TSHZ1: variants seen among roughly 807,000 people sequenced by gnomAD.
The protein encoded by TSHZ1 is teashirt zinc finger homeobox 1, also known as teashirt homolog 1.
Under a neutral mutation model 67.1 loss-of-function variants are expected in TSHZ1, and 12 were observed. The observed-to-expected ratio is 0.18, with a 90% CI of 0.11 to 0.29. The LOEUF (loss-of-function observed/expected upper bound fraction) is 0.29, where lower values mean the gene tolerates loss of function less well. TSHZ1 is among the 10% of genes least tolerant of loss of function. The pLI, the probability that TSHZ1 is intolerant of heterozygous loss-of-function variation, is 1.00. For missense variants in TSHZ1, 1,305 were observed against 1,413.9 expected, an observed-to-expected ratio of 0.92 and a Z score of 1.23; for synonymous variants, 632 against 622.4, an observed-to-expected ratio of 1.02 and a Z score of -0.23.
At chr18:75,259,982 C>T (rs547591697) in intron 1 of TSHZ1, among the ~76,000 whole-genome samples, 6 of 152,358 alleles carry the variant, frequency 3.9e-5, no homozygotes, top group Admixed American at 2.6e-4. Context: ...TGTGTGATGT[C>T]CCAGCTCCAT....
chr18:75,285,220 G>A (rs2023735754), intron 1 of TSHZ1: 1 of 397,526 alleles, frequency 2.5e-6, no homozygotes, highest in African/African-American at 2.0e-5. Flanking sequence ...GACGAGCACA[G>A]GACATCATCC....
At position 75,282,311 on chromosome 18, in the gene TSHZ1, A is replaced by G. The variant is rs577096438; in HGVS notation, c.41-3137A>G. ...GATGCCGGGCCAGGCCCTGAGACGC[A>G]GCCCTGACTCCGGACCCTCATCCTT... is the stretch of plus-strand genomic sequence containing the variant. On this transcript the variant is annotated intron_variant, in intron 1 of 1. Transcript: ENST00000580243. Among the ~76,000 whole-genome samples the G allele has an allele frequency of 2.6e-5, 4 of 152,274 alleles. No homozygotes were observed. In the East Asian group the frequency reaches 7.7e-4, roughly 29 times the overall value.
Position 75,211,923 on chromosome 18 carries a change from G to A in TSHZ1, c.40+7G>A, listed in dbSNP as rs1308731458. On this transcript the variant is annotated splice_region_variant and intron_variant, in intron 1 of 1. Transcript: ENST00000580243. Reference sequence around the variant, plus strand: ...GCCCCCCGGCGCTCGGCAGGTAACGGGCGCGCGGCCCGCGCCGCGGGGAGT... The same window carrying A: ...GCCCCCCGGCGCTCGGCAGGTAACGAGCGCGCGGCCCGCGCCGCGGGGAGT... The A allele has an allele frequency of 1.2e-5, 14 of 1,201,440 alleles. No homozygotes were observed. Among genetic ancestry groups the A allele is most frequent in the Non-Finnish European group, 1.3e-5 (13 of 968,782 alleles). The allele number at this position is 1,201,440 out of a possible 1,614,324, so 74.4% of individuals were successfully genotyped here.
intron 1 of TSHZ1, among the ~76,000 whole-genome samples, chr18:75,239,994 C>T (rs2023133167): frequency 6.6e-6 from 1 of 152,122 alleles, no homozygotes; most frequent in Non-Finnish European, 1.5e-5. Flanking sequence ...TGTTTCCCTG[C>T]TTTTCTTTGT....
chr18:75,232,742 A>G (rs2023016397), intron 1 of TSHZ1, among the ~76,000 whole-genome samples: 1 of 152,210 alleles, frequency 6.6e-6, no homozygotes. Context: ...GGGGCCAGAT[A>G]TGTTTTGGAA....
chr18:75,264,972 G>C (rs913799528), intron 1 of TSHZ1, among the ~76,000 whole-genome samples: 3 of 152,164 alleles, frequency 2.0e-5, no homozygotes, highest in Non-Finnish European at 4.4e-5. Context: ...CACAAAACAA[G>C]TGTTATTAAG....
chr18:75,215,023 A>C (rs1278312394), intron 1 of TSHZ1, among the ~76,000 whole-genome samples: 1 of 152,172 alleles, frequency 6.6e-6, no homozygotes, highest in African/African-American at 2.4e-5. Flanking sequence ...CATGTCACCG[A>C]GACAATGCTG....
intron 1 of TSHZ1, among the ~76,000 whole-genome samples, chr18:75,226,136 T>C (rs758230990): frequency 2.0e-5 from 3 of 152,202 alleles, no homozygotes; most frequent in Non-Finnish European, 4.4e-5. Context: ...TATAAACATA[T>C]GTTTGCAGTG....
chr18:75,222,219 G>A (rs1599025404), intron 1 of TSHZ1, among the ~76,000 whole-genome samples: 3 of 147,526 alleles, frequency 2.0e-5, no homozygotes, highest in South Asian at 4.2e-4. Context: ...TGGAAAAGTT[G>A]CCTGACTTTT....
chr18:75,237,360 A>G (rs1045535285), intron 1 of TSHZ1, among the ~76,000 whole-genome samples: 1 of 152,112 alleles, frequency 6.6e-6, no homozygotes, highest in Non-Finnish European at 1.5e-5. Context: ...CATATCTACA[A>G]AAAATGCAAA....
chr18:75,288,680 ACGT>A lies in TSHZ1; in HGVS notation c.*45_*47del, dbSNP rs755642292. 13 of 1,533,152 alleles carry A rather than the reference ACGT, an allele frequency of 8.5e-6. No individual in the cohort carries two copies. The highest frequency in any genetic ancestry group is 2.1e-5 in the Admixed American group (1 of 47,888). The allele number at this position is 1,533,152 out of a possible 1,614,324, so 95.0% of individuals were successfully genotyped here. A position where few individuals can be genotyped will look rare whatever the true frequency, so the allele number is the denominator to read the frequency against. On this transcript the variant is annotated 3_prime_UTR_variant, in exon 2 of 2. Coordinates refer to ENST00000580243, the MANE Select transcript of TSHZ1 (RefSeq NM_001308210.2). The surrounding 1 kb of genome is among the most constrained non-coding windows in gnomAD (Gnocchi z 4.9). ...AAGAGACCGCGGAACATTGCACTAA[ACGT>A]CGTCGAGCTGCACTAGGCCTGGCCT...
In TSHZ1 at chr18:75,281,839, G is replaced by C. The variant is rs1181589898; in HGVS notation, c.41-3609G>C. ...GGCATGCTAGGTGCGGGCAGGGAGA[G>C]CCCGAACCTGTGGGGGCCCAGCCTT... On this transcript the variant is annotated intron_variant, in intron 1 of 1. Coordinates refer to ENST00000580243, the MANE Select transcript of TSHZ1 (RefSeq NM_001308210.2). This position sits in a 1 kb window ranked among gnomAD's most constrained non-coding sequence, Gnocchi z 5.3. 6.6e-6 allele frequency among the ~76,000 whole-genome samples: 1 copy of C among 152,106 alleles called. No homozygotes were observed. Among genetic ancestry groups the C allele is most frequent in the Non-Finnish European group, 1.5e-5 (1 of 67,988 alleles).
intron 1 of TSHZ1, chr18:75,284,159 C>T (rs1481634310): frequency 2.0e-5 from 3 of 152,614 alleles, no homozygotes; most frequent in Admixed American, 2.0e-4. Context: ...AGTAGTCTCC[C>T]CTTGGGAGTT....
intron 1 of TSHZ1, among the ~76,000 whole-genome samples, chr18:75,212,782 C>T (rs192383249): frequency 6.6e-6 from 1 of 152,304 alleles, no homozygotes; most frequent in African/African-American, 2.4e-5. Context: ...ACTCAGCTCA[C>T]CTACTAATCC....
At position 75,286,338 on chromosome 18, in the gene TSHZ1, T is replaced by C; in HGVS notation, c.931T>C (p.Tyr311His). The C allele has an allele frequency of 6.2e-7, 1 of 1,614,132 alleles. No homozygotes were observed. The highest frequency in any genetic ancestry group is 8.5e-7 in the Non-Finnish European group (1 of 1,180,002). ...TGCCCAGAAGGTGCTGAAGTGCATG[T>C]ACTGTGGACACTCCTTTGAGTCCTT... is the stretch of plus-strand genomic sequence containing the variant. ...EDAQKVLKCMYCGHSFESLQD... is the reference protein window; with the variant it reads ...EDAQKVLKCMHCGHSFESLQD... The change falls in exon 2 of 2, where the codon TAC becomes CAC. Residue 311 changes from tyrosine to histidine, a missense_variant. By Grantham distance (83) the Tyr-to-His change is moderately conservative. Coordinates refer to ENST00000580243, the MANE Select transcript of TSHZ1 (RefSeq NM_001308210.2). This position sits in a 1 kb window ranked among gnomAD's most constrained non-coding sequence, Gnocchi z 5.1.
chr18:75,247,625 C>T lies in TSHZ1; in HGVS notation c.40+35709C>T, dbSNP rs538457120. Among the ~76,000 whole-genome samples the T allele has an allele frequency of 3.3e-5, 5 of 152,192 alleles. No homozygotes were observed. The South Asian group carries it at 6.2e-4, about 19-fold the overall frequency. The stretch of plus-strand genomic sequence containing the variant: ...CATTTTTAATGCTATTGCAGTAAAG[C>T]GATTTTCTGATATAGATAGAGGTGA... On this transcript the variant is annotated intron_variant, in intron 1 of 1. Coordinates refer to ENST00000580243, the MANE Select transcript of TSHZ1 (RefSeq NM_001308210.2).
At chr18:75,217,747 A>G (rs2022789871) in intron 1 of TSHZ1, among the ~76,000 whole-genome samples, 2 of 152,188 alleles carry the variant, frequency 1.3e-5, no homozygotes, top group Non-Finnish European at 2.9e-5. Flanking sequence ...GCATGTTGTT[A>G]TGTTGATCGT....
chr18:75,264,878 A>G (rs143823652), intron 1 of TSHZ1, among the ~76,000 whole-genome samples: 2 of 152,224 alleles, frequency 1.3e-5, no homozygotes, highest in Admixed American at 1.3e-4. Flanking sequence ...TTTTTACTCA[A>G]TTACGCTTTA....
At chr18:75,260,160 T>C (rs2023412907) in intron 1 of TSHZ1, among the ~76,000 whole-genome samples, 1 of 152,274 alleles carries the variant, frequency 6.6e-6, no homozygotes, top group African/African-American at 2.4e-5. Flanking sequence ...GTTCTTTCTG[T>C]GCCCCAGGCC....
Sources: allele counts gnomAD v4.1 joint callset (sites outside exome capture counted in the v4.1 genomes callset), GRCh38; gene constraint gnomAD v4.1.1; non-coding constraint Gnocchi (gnomAD v3.1); transcripts MANE v1.5; gene names NCBI Gene and HGNC (gene_info 2026-07-23, HGNC 2026-07-21).